PALS1: variants seen among roughly 807,000 people sequenced by gnomAD.
The protein encoded by PALS1 is protein associated with LIN7 1, MAGUK p55 family member.
In PALS1, 31 loss-of-function variants were observed where a neutral mutation model predicts 78.9. The ratio of observed to expected loss-of-function variants is 0.39; its 90% confidence interval spans 0.30 to 0.53. PALS1 has a LOEUF of 0.53. PALS1 is among the 20% of genes least tolerant of loss of function. The pLI is 0.67. For synonymous variants in PALS1, 276 were observed against 270.9 expected (o/e 1.02, Z -0.18); for missense variants, 704 against 826.5 (o/e 0.85, Z 1.82).
At chr14:67,298,852 T>A (rs1311965582) in intron 4 of PALS1, among the ~76,000 whole-genome samples, 1 of 152,204 alleles carries the variant, frequency 6.6e-6, no homozygotes, top group Non-Finnish European at 1.5e-5. Context: ...TCAGGCCCTA[T>A]GAATATCCAC....
chr14:67,308,506 G>GAGTTTTAGAT (rs1168756630), intron 8 of PALS1, among the ~76,000 whole-genome samples: 1 of 150,306 alleles, frequency 6.7e-6, no homozygotes, highest in Non-Finnish European at 1.5e-5. Flanking sequence ...TATAGATCCT[G>GAGTTTTAGAT]AGTTTTAGAT....
At chr14:67,281,635 C>T (rs1264032115) in intron 3 of PALS1, among the ~76,000 whole-genome samples, 1 of 152,012 alleles carries the variant, frequency 6.6e-6, no homozygotes. Context: ...AAGTATTTGT[C>T]CATTTGGTTT....
rs1409345112 is a variant in PALS1, at chr14:67,289,974, G to A, written c.368-2537G>A. 4.6e-5 allele frequency among the ~76,000 whole-genome samples: 7 copies of A among 151,856 alleles called. No individual in the cohort carries two copies. The East Asian group carries it at 9.7e-4, about 21-fold the overall frequency. On this transcript the variant is annotated intron_variant, in intron 3 of 14. Transcript: ENST00000261681. ...TTTTTAGTAGAGACGGGGTTTCACC[G>A]TGTTCGCCAGGATGGTCTCGATCTC...
intron 8 of PALS1, among the ~76,000 whole-genome samples, chr14:67,309,229 CA>C: frequency 6.6e-6 from 1 of 152,030 alleles, no homozygotes; most frequent in Middle Eastern, 3.4e-3. Flanking sequence ...GTATGAGAAA[CA>C]AAATAATTTT....
intron 1 of PALS1, among the ~76,000 whole-genome samples, chr14:67,244,975 G>GT (rs1222501465): frequency 1.3e-5 from 2 of 152,134 alleles, no homozygotes; most frequent in African/African-American, 4.8e-5. Flanking sequence ...AAAAAAAGAT[G>GT]TAACAATTGG....
rs762938367 is a variant in PALS1 at position 67,332,805 on chromosome 14, A to G, written c.1877A>G (p.Glu626Gly). The change falls in exon 15 of 15, where the codon GAG (glutamate) becomes GGG (glycine). Residue 626 changes from glutamate to glycine, a missense_variant. Transcript: ENST00000261681. ...CCTGAAGAGTTGAGAGAAATCATTG[A>G]GAAGACAAGAGAGATGGAGCAGAAC... ...PKPEELREII[E>G]KTREMEQNNG... 1.2e-6 allele frequency: 2 copies of G among 1,612,012 alleles called. No homozygotes were observed. The highest frequency in any genetic ancestry group is 1.7e-5 in the Admixed American group (1 of 59,836).
chr14:67,260,244 C>G (rs969746734), intron 1 of PALS1, among the ~76,000 whole-genome samples: 2 of 152,184 alleles, frequency 1.3e-5, no homozygotes, highest in African/African-American at 4.8e-5. Context: ...CCATACCACC[C>G]TGACTGTGCC....
chr14:67,259,292 T>C (rs2084194031), intron 1 of PALS1, among the ~76,000 whole-genome samples: 2 of 151,912 alleles, frequency 1.3e-5, no homozygotes, highest in Non-Finnish European at 1.5e-5. Context: ...TGAATGAAAG[T>C]AAAAAATAAT....
At chr14:67,318,944 G>C (rs1481743283) in intron 11 of PALS1, among the ~76,000 whole-genome samples, 2 of 152,068 alleles carry the variant, frequency 1.3e-5, no homozygotes, top group East Asian at 1.9e-4. Context: ...TGTAGTCCCA[G>C]CTATTCGGGA....
chr14:67,285,431 A>G (rs1029382152), intron 3 of PALS1, among the ~76,000 whole-genome samples: 2 of 146,424 alleles, frequency 1.4e-5, no homozygotes, highest in Admixed American at 7.0e-5. Context: ...CAGTGGCGCG[A>G]TCTCGGCTCA....
chr14:67,271,491 T>G (rs1398319881), intron 2 of PALS1: 4 of 152,188 alleles, frequency 2.6e-5, no homozygotes, highest in Non-Finnish European at 5.9e-5. Flanking sequence ...AAGGCAGAGA[T>G]ATAAATAGCA....
intron 10 of PALS1, among the ~76,000 whole-genome samples, 153 bp from the exon 11 acceptor site, chr14:67,317,255 G>C (rs893296976): frequency 6.6e-6 from 1 of 152,166 alleles, no homozygotes; most frequent in Non-Finnish European, 1.5e-5. Context: ...TTGAGGCCAG[G>C]AGTTCAAGAC....
chr14:67,280,316 G>A (rs1366305752), intron 3 of PALS1, among the ~76,000 whole-genome samples: 1 of 152,210 alleles, frequency 6.6e-6, no homozygotes, highest in South Asian at 2.1e-4. Flanking sequence ...CACTGAACTA[G>A]TGTTAGGAGA....
chr14:67,265,117 TA>T (rs2084301031), intron 1 of PALS1, among the ~76,000 whole-genome samples: 1 of 152,258 alleles, frequency 6.6e-6, no homozygotes, highest in Non-Finnish European at 1.5e-5. Flanking sequence ...AGTTTGTTTT[TA>T]AGCTATGAAA....
At chr14:67,275,050 T>G (rs2084478201) in intron 2 of PALS1, among the ~76,000 whole-genome samples, 1 of 152,220 alleles carries the variant, frequency 6.6e-6, no homozygotes, top group Non-Finnish European at 1.5e-5. Context: ...AAATAGACAA[T>G]CATGTCATCT....
At chr14:67,289,763 C>T (rs1189828922) in intron 3 of PALS1, among the ~76,000 whole-genome samples, 5 of 147,132 alleles carry the variant, frequency 3.4e-5, no homozygotes, top group African/African-American at 1.3e-4. Flanking sequence ...GATTTTTTTC[C>T]ATGTCCTTTT....
chr14:67,332,668 G>A (rs1312035189), intron 14 of PALS1, 112 bp from the exon 15 acceptor site: 8 of 1,101,542 alleles, frequency 7.3e-6, no homozygotes, highest in South Asian at 1.7e-5. Context: ...GGTTGGGAGA[G>A]ACAGAAGGAA....
intron 13 of PALS1, among the ~76,000 whole-genome samples, chr14:67,323,261 G>GTGTATATATA (rs1429954753): frequency 1.7e-3 from 214 of 124,180 alleles, no homozygotes; most frequent in South Asian, 4.7e-3. Context: ...GTGTGTGTGT[G>GTGTATATATA]TATATATATA....
At chr14:67,296,086 G>A (rs1320019279) in intron 4 of PALS1, among the ~76,000 whole-genome samples, 1 of 152,048 alleles carries the variant, frequency 6.6e-6, no homozygotes, top group African/African-American at 2.4e-5. Flanking sequence ...GCCTAATTCT[G>A]TTTTGGGAGG....
Sources: gnomAD v4.1 joint callset for allele counts (sites outside exome capture counted in the v4.1 genomes callset) on GRCh38, gnomAD v4.1.1 for gene constraint, MANE v1.5 for transcripts, NCBI Gene and HGNC (gene_info 2026-07-23, HGNC 2026-07-21) for gene names.